The following ZBED4 variants were observed in gnomAD, a reference collection of about 807,000 sequenced individuals.
ZBED4 encodes the protein zinc finger BED domain-containing protein 4.
A neutral mutation model predicts 15.5 loss-of-function variants in ZBED4; 4 were observed. The observed-to-expected ratio is 0.26, with a 90% CI of 0.13 to 0.59. The LOEUF (loss-of-function observed/expected upper bound fraction) is 0.59, where lower values mean the gene tolerates loss of function less well. ZBED4 is among the 20% of genes least tolerant of loss of function. The pLI, the probability that ZBED4 is intolerant of heterozygous loss-of-function variation, is 0.90. For synonymous variants in ZBED4, 692 were observed against 608.5 expected (o/e 1.14, Z -2.02); for missense variants, 1,323 against 1,461.8 (o/e 0.91, Z 1.55).
intron 1 of ZBED4, among the ~76,000 whole-genome samples, chr22:49,855,383 G>T (rs1484781485): frequency 6.6e-6 from 1 of 152,146 alleles, no homozygotes; most frequent in African/African-American, 2.4e-5. Flanking sequence ...CCTGAATAAG[G>T]TGGTTGATGT....
In ZBED4 at chr22:49,888,582, A is replaced by C. The variant is rs111259476; in HGVS notation, c.*1404A>C. 71 of 167,276 alleles carry C rather than the reference A, an allele frequency of 4.2e-4. No individual in the cohort carries two copies. Among genetic ancestry groups the C allele is most frequent in the African/African-American group, 1.7e-3 (70 of 41,460 alleles). The allele number at this position is 167,276 out of a possible 1,614,324, so 10.4% of individuals were successfully genotyped here. A position where few individuals can be genotyped will look rare whatever the true frequency, so the allele number is the denominator to read the frequency against. ...CAGACAGGGCTCCAGGGAAGTGGAG[A>C]TGTAATTCTTACAACAACAGTTCTG... is the stretch of plus-strand genomic sequence containing the variant. On this transcript the variant is annotated 3_prime_UTR_variant, in exon 2 of 2. Transcript: ENST00000216268.
At position 49,887,190 on chromosome 22, in the gene ZBED4, G is replaced by A; in HGVS notation, c.*12G>A. 6.3e-7 allele frequency: 1 copy of A among 1,595,484 alleles called. No individual in the cohort carries two copies. The highest frequency in any genetic ancestry group is 8.6e-7 in the Non-Finnish European group (1 of 1,169,512). The stretch of plus-strand genomic sequence containing the variant: ...ACTTTCAGTATTGAAACTCACGACG[G>A]CACCACTAGGCCAGAGGCGTGGCTG... On this transcript the variant is annotated 3_prime_UTR_variant, in exon 2 of 2. Coordinates refer to ENST00000216268, the MANE Select transcript of ZBED4 (RefSeq NM_014838.3).
rs1399201515 is a variant in ZBED4 at position 49,883,486 on chromosome 22, C to G, written c.-177C>G. Reference sequence around the variant, plus strand: ...AAAGCAGTGATCTATGCTGTAAGACCATGAGTCACAGATTCTTTTTTTCAG... The same window carrying G: ...AAAGCAGTGATCTATGCTGTAAGACGATGAGTCACAGATTCTTTTTTTCAG... On this transcript the variant is annotated 5_prime_UTR_variant, in exon 2 of 2. Coordinates refer to ENST00000216268, the MANE Select transcript of ZBED4 (RefSeq NM_014838.3). 2.3e-6 allele frequency: 2 copies of G among 851,206 alleles called. No homozygotes were observed. The highest frequency in any genetic ancestry group is 3.4e-5 in the African/African-American group (2 of 59,132). 52.7% of individuals were successfully genotyped at this position (851,206 alleles called of 1,614,324 possible).
At chr22:49,880,329 T>A (rs2060402319) in intron 1 of ZBED4, among the ~76,000 whole-genome samples, 1 of 152,216 alleles carries the variant, frequency 6.6e-6, no homozygotes, top group Admixed American at 6.5e-5. Context: ...TTTCCTCAAA[T>A]GCAGATGCAG....
intron 1 of ZBED4, among the ~76,000 whole-genome samples, chr22:49,854,578 G>A (rs955896904): frequency 1.3e-5 from 2 of 152,230 alleles, no homozygotes; most frequent in African/African-American, 4.8e-5. Context: ...TTTTTCGACT[G>A]CAGTGGTTTT....
At chr22:49,869,388 G>A (rs1202889600) in intron 1 of ZBED4, among the ~76,000 whole-genome samples, 3 of 152,184 alleles carry the variant, frequency 2.0e-5, no homozygotes, top group Admixed American at 6.5e-5. Context: ...GGCAGCGCTC[G>A]TCCTCCAGAC....
chr22:49,875,865 T>C (rs1380657738), intron 1 of ZBED4, among the ~76,000 whole-genome samples: 1 of 152,130 alleles, frequency 6.6e-6, no homozygotes, highest in Non-Finnish European at 1.5e-5. Context: ...CATTTTTTTC[T>C]CTAATCAATA....
In ZBED4 at chr22:49,887,383, C is replaced by G. The variant is rs2060446086; in HGVS notation, c.*205C>G. The G allele has an allele frequency of 2.1e-6, 1 of 479,774 alleles. No individual in the cohort carries two copies. The highest frequency in any genetic ancestry group is 1.9e-5 in the African/African-American group (1 of 52,060). 29.7% of individuals were successfully genotyped at this position (479,774 alleles called of 1,614,324 possible). On this transcript the variant is annotated 3_prime_UTR_variant, in exon 2 of 2. Coordinates refer to ENST00000216268, the MANE Select transcript of ZBED4 (RefSeq NM_014838.3). ...TTCGCGGGGTGTTTTATTAAGACGT[C>G]CACTAGAAATAGCTTGTCCTGTCAA...
chr22:49,881,947 C>T lies in ZBED4; in HGVS notation c.-329-1387C>T, dbSNP rs544165637. Among the ~76,000 whole-genome samples, 574 of 152,246 alleles carry T rather than the reference C, an allele frequency of 3.8e-3. 4 individuals carry two copies. The highest frequency in any genetic ancestry group is 6.5e-3 in the Non-Finnish European group (442 of 68,020). On this transcript the variant is annotated intron_variant, in intron 1 of 1. Coordinates refer to ENST00000216268, the MANE Select transcript of ZBED4 (RefSeq NM_014838.3). ...GGTGGGAGCTAGCAGTTTTTATTAA[C>T]CTTGGAACACTTTTTAGGGCAACCA... is the stretch of plus-strand genomic sequence containing the variant.
chr22:49,861,180 C>T (rs1394683934), intron 1 of ZBED4, among the ~76,000 whole-genome samples: 1 of 152,150 alleles, frequency 6.6e-6, no homozygotes, highest in Non-Finnish European at 1.5e-5. Context: ...GGGCTGTTGA[C>T]ACTGTGTGTG....
chr22:49,853,811 C>A (rs2060261985), upstream of ZBED4: 2 of 146,390 alleles, frequency 1.4e-5, no homozygotes. Context: ...CCGGCCAGCC[C>A]CGCCCCGCGC....
chr22:49,885,784 A>G lies in ZBED4; in HGVS notation c.2122A>G (p.Met708Val), dbSNP rs1485518677. Residue 708 changes from methionine to valine, a missense_variant, in exon 2 of 2, where the codon ATG becomes GTG. Coordinates refer to ENST00000216268, the MANE Select transcript of ZBED4 (RefSeq NM_014838.3). Reference protein sequence around the residue: ...SYFSRTAIPGMYDNVKQIIMS... With the variant: ...SYFSRTAIPGVYDNVKQIIMS... ...CTTCTCCAGGACAGCTATCCCAGGT[A>G]TGTATGATAATGTGAAGCAGATAAT... 1 of 1,604,952 alleles carries G rather than the reference A, an allele frequency of 6.2e-7. No homozygotes were observed. Among genetic ancestry groups the G allele is most frequent in the Non-Finnish European group, 8.5e-7 (1 of 1,173,036 alleles).
chr22:49,867,994 A>T (rs917659523), intron 1 of ZBED4, among the ~76,000 whole-genome samples: 2 of 152,208 alleles, frequency 1.3e-5, no homozygotes, highest in African/African-American at 4.8e-5. Flanking sequence ...CTAGGAAAAG[A>T]TCAACATTCA....
At chr22:49,865,863 C>CT (rs112145673) in intron 1 of ZBED4, among the ~76,000 whole-genome samples, 37,729 of 139,336 alleles carry the variant, frequency 0.27, 9,329 homozygotes, top group African/African-American at 0.66. Context: ...TTCACATTTT[C>CT]TTTTTTTTTT....
chr22:49,855,350 C>T (rs888194062), intron 1 of ZBED4, among the ~76,000 whole-genome samples: 2 of 152,156 alleles, frequency 1.3e-5, no homozygotes, highest in Non-Finnish European at 2.9e-5. Context: ...TCTCCCCCAA[C>T]ACACACTCTT....
At chr22:49,866,325 A>T (rs2060322386) in intron 1 of ZBED4, among the ~76,000 whole-genome samples, 1 of 150,672 alleles carries the variant, frequency 6.6e-6, no homozygotes, top group Admixed American at 6.6e-5. Flanking sequence ...CATATGTTGG[A>T]TCTTCTTTAC....
At chr22:49,873,737 G>T (rs375167313) in intron 1 of ZBED4, among the ~76,000 whole-genome samples, 134 of 152,340 alleles carry the variant, frequency 8.8e-4, no homozygotes, top group African/African-American at 3.1e-3. Context: ...CCCCCACCCT[G>T]CAGCCCCAAG....
intron 1 of ZBED4, among the ~76,000 whole-genome samples, chr22:49,869,840 C>T (rs966647037): frequency 6.6e-6 from 1 of 152,154 alleles, no homozygotes; most frequent in African/African-American, 2.4e-5. Context: ...TTAGATTCAT[C>T]AGGCACATGT....
chr22:49,857,000 C>T (rs2060277661), intron 1 of ZBED4, among the ~76,000 whole-genome samples: 1 of 152,196 alleles, frequency 6.6e-6, no homozygotes, highest in South Asian at 2.1e-4. Flanking sequence ...GGGGTTGTGA[C>T]TGCTGCAGCC....
Sources: gnomAD v4.1 joint callset for allele counts (sites outside exome capture counted in the v4.1 genomes callset) on GRCh38, gnomAD v4.1.1 for gene constraint, MANE v1.5 for transcripts, NCBI Gene and HGNC (gene_info 2026-07-23, HGNC 2026-07-21) for gene names.